Variants in KIDINS220 observed in about 807,000 individuals in gnomAD.
The protein encoded by KIDINS220 is kinase D-interacting substrate of 220 kDa.
Under a neutral mutation model 157.6 loss-of-function variants are expected in KIDINS220, and 63 were observed. The ratio of observed to expected loss-of-function variants is 0.40; its 90% CI spans 0.33 to 0.49. The LOEUF is 0.49. Ranked by LOEUF, KIDINS220 falls within the 20% of genes least tolerant of loss-of-function variation. KIDINS220 has a pLI of 0.66. For synonymous variants in KIDINS220, 732 were observed against 783.6 expected (o/e 0.93, Z 1.10); for missense variants, 1,772 against 2,171.2 (o/e 0.82, Z 3.65).
chr2:8,831,139 G>A (rs1558509352), intron 1 of KIDINS220, among the ~76,000 whole-genome samples: 1 of 152,182 alleles, frequency 6.6e-6, no homozygotes, highest in Non-Finnish European at 1.5e-5. Flanking sequence ...CGCCTTCTAA[G>A]GCTTTTAAAG....
At chr2:8,782,480 T>G (rs1484126046) in intron 17 of KIDINS220, among the ~76,000 whole-genome samples, 2 of 152,222 alleles carry the variant, frequency 1.3e-5, no homozygotes, top group African/African-American at 4.8e-5. Context: ...AGACATAATT[T>G]GCCAAAATTC....
At chr2:8,763,543 T>G (rs1308314446) in intron 22 of KIDINS220, among the ~76,000 whole-genome samples, 1 of 152,230 alleles carries the variant, frequency 6.6e-6, no homozygotes, top group Non-Finnish European at 1.5e-5. Context: ...TGGGACAGAA[T>G]GAGGGCTCAC....
At chr2:8,753,880 CTTAA>C (rs1667680540) in intron 22 of KIDINS220, among the ~76,000 whole-genome samples, 1 of 152,158 alleles carries the variant, frequency 6.6e-6, no homozygotes, top group Non-Finnish European at 1.5e-5. Context: ...GCAATTTTCT[CTTAA>C]TTAACTTCAG....
chr2:8,730,581 GTC>G lies in KIDINS220; in HGVS notation c.*137_*138del. 6.9e-7 allele frequency: 1 copy of G among 1,439,196 alleles called. No individual in the cohort carries two copies. Among genetic ancestry groups the G allele is most frequent in the Non-Finnish European group, 9.1e-7 (1 of 1,103,646 alleles). 89.2% of individuals were successfully genotyped at this position (1,439,196 alleles called of 1,614,324 possible). ...TGCTCCCTTCTGTCACACTGCAGAT[GTC>G]TCTTTTACCTCGGCCTCATCATCGG... On this transcript the variant is annotated 3_prime_UTR_variant, in exon 30 of 30. Coordinates refer to ENST00000256707, the MANE Select transcript of KIDINS220 (RefSeq NM_020738.4).
chr2:8,732,255 T>C (rs1443699847), intron 29 of KIDINS220, among the ~76,000 whole-genome samples: 1 of 152,186 alleles, frequency 6.6e-6, no homozygotes, highest in African/African-American at 2.4e-5. Flanking sequence ...TCTTAGCACT[T>C]GTTTCTGGTT....
intron 24 of KIDINS220, chr2:8,749,561 A>G (rs1203946973): frequency 3.0e-6 from 1 of 330,036 alleles, no homozygotes; most frequent in Non-Finnish European, 5.9e-6. Flanking sequence ...TATATTAACT[A>G]AAAAATTGTA....
chr2:8,808,629 C>T (rs1434233165), intron 6 of KIDINS220, among the ~76,000 whole-genome samples: 1 of 152,242 alleles, frequency 6.6e-6, no homozygotes, highest in Non-Finnish European at 1.5e-5. Flanking sequence ...CAATAAGTCT[C>T]TCATCTCTCA....
intron 17 of KIDINS220, among the ~76,000 whole-genome samples, chr2:8,782,622 T>C (rs566588459): frequency 9.9e-4 from 151 of 152,244 alleles, no homozygotes; most frequent in African/African-American, 3.3e-3. Flanking sequence ...CAACTCTACA[T>C]AGGATCTTTC....
In KIDINS220 at chr2:8,730,138, A is replaced by AT. The variant is rs899169574; in HGVS notation, c.*581dup. 105 of 985,758 alleles carry AT rather than the reference A, an allele frequency of 1.1e-4. No individual in the cohort carries two copies. Among genetic ancestry groups the AT allele is most frequent in the Middle Eastern group, 5.2e-4 (1 of 1,916 alleles). 61.1% of individuals were successfully genotyped at this position (985,758 alleles called of 1,614,324 possible). The stretch of plus-strand genomic sequence containing the variant: ...GCCCTGGTGACTCACTTTGTTGGCA[A>AT]TTTTTAAAGCCCTCTTCATTATGTA... On this transcript the variant is annotated 3_prime_UTR_variant, in exon 30 of 30. Coordinates refer to ENST00000256707, the MANE Select transcript of KIDINS220 (RefSeq NM_020738.4).
intron 22 of KIDINS220, among the ~76,000 whole-genome samples, chr2:8,752,611 TCTGA>T (rs1359294274): frequency 6.6e-6 from 1 of 152,096 alleles, no homozygotes; most frequent in Non-Finnish European, 1.5e-5. Flanking sequence ...CGAAAGCAAA[TCTGA>T]CTGGTTCTGA....
Position 8,731,829 on chromosome 2 carries a change from A to C in KIDINS220, c.4207T>G (p.Ser1403Ala), listed in dbSNP as rs1306698577. 1 of 1,614,040 alleles carries C rather than the reference A, an allele frequency of 6.2e-7. No homozygotes were observed. The highest frequency in any genetic ancestry group is 1.1e-5 in the South Asian group (1 of 91,076). ...QMSQLEGGPG[S>A]TTISGRSSPH... is the part of the protein sequence containing the mutation. ...GAAGATCTGCCACTAATGGTTGTAGACCCGGGGCCCCCTTCTAACTGGGAC... is the reference window on the plus strand; with the variant it reads ...GAAGATCTGCCACTAATGGTTGTAGCCCCGGGGCCCCCTTCTAACTGGGAC... The change falls in exon 30 of 30, where the codon TCT becomes GCT. Residue 1403 changes from serine to alanine, a missense_variant. Ser to Ala is a moderately conservative substitution (Grantham distance 99, BLOSUM62 1). Around this residue, in one of 3 missense-constraint regions of KIDINS220, gnomAD observed 793 missense variants for 885.5 expected, o/e 0.90. Transcript: ENST00000256707. The surrounding 1 kb of genome is among the most constrained non-coding windows in gnomAD (Gnocchi z 5.2).
At chr2:8,755,146 C>T (rs1667853085) in intron 22 of KIDINS220, among the ~76,000 whole-genome samples, 2 of 152,258 alleles carry the variant, frequency 1.3e-5, no homozygotes, top group African/African-American at 4.8e-5. Context: ...TATACACCCA[C>T]TGCCATCTGT....
rs371742619 is a variant in KIDINS220 at position 8,818,749 on chromosome 2, C to T, written c.153G>A (p.Leu51=). The change falls in exon 3 of 30, where the codon CTG becomes CTA. Residue 51 remains leucine (L), a synonymous_variant. Transcript: ENST00000256707. ...TCTTAATTAATTCCTTCACTATTTCCAGATTGCCTTGTTCGGCAGCTATCA... is the reference window on the plus strand; with the variant it reads ...TCTTAATTAATTCCTTCACTATTTCTAGATTGCCTTGTTCGGCAGCTATCA... ...PLMIAAEQGN[L]EIVKELIKNG... 24 of 1,610,166 alleles carry T rather than the reference C, an allele frequency of 1.5e-5. No homozygotes were observed. Among genetic ancestry groups the T allele is most frequent in the Non-Finnish European group, 1.9e-5 (22 of 1,177,544 alleles).
chr2:8,768,784 T>G (rs575559442), intron 22 of KIDINS220, among the ~76,000 whole-genome samples: 1 of 152,292 alleles, frequency 6.6e-6, no homozygotes, highest in Admixed American at 6.5e-5. Context: ...TCATCTAGAT[T>G]ATTCTCACAT....
chr2:8,831,666 G>A lies in KIDINS220; in HGVS notation c.-36-4537C>T, dbSNP rs75796416. Among the ~76,000 whole-genome samples the A allele has an allele frequency of 9.8e-3, 1,487 of 152,232 alleles. 35 individuals are homozygous for A. The highest frequency in any genetic ancestry group is 0.034 in the African/African-American group (1,427 of 41,538). On this transcript the variant is annotated intron_variant, in intron 1 of 29. Transcript: ENST00000256707. ...ACTCACTCTCTCCACATCTCCCTTA[G>A]ACTAGAAGTTCTTGCAGCAGGATCT...
chr2:8,768,015 T>C (rs189323196), intron 22 of KIDINS220, among the ~76,000 whole-genome samples: 3 of 152,294 alleles, frequency 2.0e-5, no homozygotes, highest in Admixed American at 1.3e-4. Context: ...TCTGACCATA[T>C]CATGGCCTGG....
intron 17 of KIDINS220, among the ~76,000 whole-genome samples, chr2:8,781,951 A>G (rs937981690): frequency 2.0e-5 from 3 of 151,980 alleles, no homozygotes; most frequent in Non-Finnish European, 4.4e-5. Context: ...GTGAAACCCT[A>G]TATCTACAAA....
intron 22 of KIDINS220, chr2:8,757,788 C>CTG (rs767652440): frequency 6.2e-7 from 1 of 1,607,964 alleles, no homozygotes; most frequent in Non-Finnish European, 8.5e-7. Context: ...TCCACAGCAT[C>CTG]TGTGTTTGAA....
At chr2:8,803,356 G>T (rs554132394) in intron 7 of KIDINS220, among the ~76,000 whole-genome samples, 3 of 152,230 alleles carry the variant, frequency 2.0e-5, no homozygotes, top group Non-Finnish European at 4.4e-5. Flanking sequence ...TCAGTCATTA[G>T]AGCTATTATG....
Sources: gnomAD v4.1 joint callset for allele counts (sites outside exome capture counted in the v4.1 genomes callset) on GRCh38, gnomAD v4.1.1 for gene constraint, gnomAD v4.1.1 regional missense constraint, Gnocchi (gnomAD v3.1) non-coding constraint, MANE v1.5 for transcripts, NCBI Gene and HGNC (gene_info 2026-07-23, HGNC 2026-07-21) for gene names.